Variants in B4GALNT3 observed in about 807,000 individuals in gnomAD.
B4GALNT3 encodes the protein beta-1,4-N-acetylgalactosaminyltransferase 3.
A neutral mutation model predicts 120.2 loss-of-function variants in B4GALNT3; 86 were observed. The observed-to-expected ratio is 0.72, with a 90% CI of 0.60 to 0.86. The LOEUF (loss-of-function observed/expected upper bound fraction) is 0.86. Among genes scored for constraint, B4GALNT3 ranks in the 40% least tolerant of loss-of-function variants. B4GALNT3 has a pLI of 0.00. For synonymous variants in B4GALNT3, 518 were observed against 510.4 expected, an observed-to-expected ratio of 1.01 and a Z score of -0.20; for missense variants, 1,167 against 1,298.9, an observed-to-expected ratio of 0.90 and a Z score of 1.56.
chr12:559,922 G>A (rs1198805704), intron 19 of B4GALNT3, among the ~76,000 whole-genome samples: 2 of 152,158 alleles, frequency 1.3e-5, no homozygotes, highest in Non-Finnish European at 2.9e-5. Flanking sequence ...GCCGGGTCAT[G>A]AGACACCAAG....
chr12:478,349 C>CAATTTTG (rs960016246), intron 1 of B4GALNT3, among the ~76,000 whole-genome samples: 4 of 149,656 alleles, frequency 2.7e-5, no homozygotes, highest in Non-Finnish European at 4.4e-5. Context: ...TGCTTTGATG[C>CAATTTTG]ATGAAAATTG....
intron 13 of B4GALNT3, 29 bp downstream of exon 13, chr12:552,557 T>G (rs1314108572): frequency 1.2e-6 from 2 of 1,608,438 alleles, no homozygotes; most frequent in Non-Finnish European, 1.7e-6. Context: ...GGCTTCCAGG[T>G]CAGGCTGAGA....
intron 1 of B4GALNT3, among the ~76,000 whole-genome samples, chr12:498,767 G>A (rs1352561778): frequency 2.0e-5 from 3 of 152,184 alleles, no homozygotes; most frequent in Non-Finnish European, 4.4e-5. Flanking sequence ...ATGTTCCCGC[G>A]TCTGTCTTTA....
In B4GALNT3 at chr12:557,746, G is replaced by C; in HGVS notation, c.2519G>C (p.Arg840Thr). 6.2e-7 allele frequency: 1 copy of C among 1,603,024 alleles called. No individual in the cohort carries two copies. Among genetic ancestry groups the C allele is most frequent in the Non-Finnish European group, 8.5e-7 (1 of 1,176,780 alleles). Residue 840 changes from arginine (R) to threonine (T), a missense_variant, in exon 16 of 20, where the codon AGG (arginine) becomes ACG (threonine). Coordinates refer to ENST00000266383, the MANE Select transcript of B4GALNT3 (RefSeq NM_173593.4). ...ATGGATGTTGAGATGGCACTGAAGA[G>C]GTCCAAGCTGCGGAGGTGAGGGGGA... Reference protein sequence around the residue: ...EDMDVEMALKRSKLRSYQYVK... With the variant: ...EDMDVEMALKTSKLRSYQYVK...
At chr12:552,358 C>G in intron 12 of B4GALNT3, 109 bp from the exon 13 acceptor site, 29 of 1,148,968 alleles carry the variant, frequency 2.5e-5, no homozygotes, top group Non-Finnish European at 3.5e-5. Flanking sequence ...CCTCCTTCCT[C>G]CACTCTAGTC....
chr12:484,525 C>A (rs917210345), intron 1 of B4GALNT3, among the ~76,000 whole-genome samples: 1 of 152,174 alleles, frequency 6.6e-6, no homozygotes, highest in Admixed American at 6.5e-5. Flanking sequence ...CCAAGTCAAT[C>A]AGTTAGATTT....
At chr12:543,861 A>G (rs1413017053) in intron 3 of B4GALNT3, among the ~76,000 whole-genome samples, 2 of 122,986 alleles carry the variant, frequency 1.6e-5, no homozygotes, top group Admixed American at 1.6e-4. Context: ...GGAGCTGAGG[A>G]GCTGGGGCGG....
rs1189549878 is a variant in B4GALNT3 at position 553,523 on chromosome 12, C to G, written c.1600C>G (p.Pro534Ala). The G allele has an allele frequency of 6.2e-6, 10 of 1,614,018 alleles. No individual in the cohort carries two copies. The highest frequency in any genetic ancestry group is 8.5e-6 in the Non-Finnish European group (10 of 1,179,974). ...TTCACCTCATTCCGACAAGTGGCCT[C>G]CTGGGCACCCTGTGAAGAACCTGCC... The part of the protein sequence containing the change: ...QDSPHSDKWP[P>A]GHPVKNLPQM... Residue 534 changes from proline to alanine, a missense_variant, in exon 14 of 20, where the codon CCT becomes GCT. Physicochemically the swap from Pro to Ala is conservative, Grantham distance 27. Coordinates refer to ENST00000266383, the MANE Select transcript of B4GALNT3 (RefSeq NM_173593.4).
At chr12:535,316 G>A (rs769427209) in intron 2 of B4GALNT3, 47 bp downstream of exon 2, 2 of 1,530,872 alleles carry the variant, frequency 1.3e-6, no homozygotes, top group East Asian at 4.5e-5. Context: ...CTTAACAAAG[G>A]TCCGCAGGTG....
chr12:532,219 CAA>C (rs1946815668), intron 1 of B4GALNT3, among the ~76,000 whole-genome samples: 1 of 152,100 alleles, frequency 6.6e-6, no homozygotes, highest in Non-Finnish European at 1.5e-5. Context: ...TTGACTAGCC[CAA>C]GTTTTAGGTA....
rs1946153318 is a variant in B4GALNT3, at chr12:473,105, A to G, written c.169+12560A>G. Among the ~76,000 whole-genome samples, 4 of 152,042 alleles carry G rather than the reference A, an allele frequency of 2.6e-5. No homozygotes were observed. The South Asian group carries it at 8.3e-4, about 31-fold the overall frequency. On this transcript the variant is annotated intron_variant, in intron 1 of 19. Coordinates refer to ENST00000266383, the MANE Select transcript of B4GALNT3 (RefSeq NM_173593.4). ...TGCCTTGGCCTCCCTAGTAGCTAAGACCACAGGCATACACCACCATGCCTA... is the reference window on the plus strand; with the variant it reads ...TGCCTTGGCCTCCCTAGTAGCTAAGGCCACAGGCATACACCACCATGCCTA...
chr12:508,685 C>T (rs1208266750), intron 1 of B4GALNT3, among the ~76,000 whole-genome samples: 3 of 152,152 alleles, frequency 2.0e-5, no homozygotes, highest in Non-Finnish European at 4.4e-5. Context: ...TTCCCTCTGA[C>T]CTCTGATTTG....
intron 9 of B4GALNT3, 135 bp from the exon 10 acceptor site, chr12:549,634 G>A: frequency 8.8e-7 from 1 of 1,133,862 alleles, no homozygotes; most frequent in Non-Finnish European, 1.3e-6. Flanking sequence ...CAGAGGGAGT[G>A]TGGCTGCGCA....
chr12:486,205 C>CTTTTTT (rs59345776), intron 1 of B4GALNT3, among the ~76,000 whole-genome samples: 4 of 97,990 alleles, frequency 4.1e-5, no homozygotes, highest in Non-Finnish European at 7.8e-5. Context: ...CCAAAATATT[C>CTTTTTT]TTTTTTTTTT....
intron 1 of B4GALNT3, among the ~76,000 whole-genome samples, chr12:465,396 G>GT (rs1467100874): frequency 1.2e-4 from 19 of 152,074 alleles, no homozygotes; most frequent in African/African-American, 4.6e-4. Context: ...CAGATACTGT[G>GT]TTTATCAGGG....
chr12:537,073 A>G (rs1472573797), intron 3 of B4GALNT3, among the ~76,000 whole-genome samples: 1 of 152,254 alleles, frequency 6.6e-6, no homozygotes, highest in East Asian at 1.9e-4. Flanking sequence ...GGTTTAGCTC[A>G]GCATGTCTCA....
At chr12:505,218 A>G (rs532446542) in intron 1 of B4GALNT3, among the ~76,000 whole-genome samples, 1 of 152,312 alleles carries the variant, frequency 6.6e-6, no homozygotes. Flanking sequence ...CAGATGTTCT[A>G]TACTATGTAA....
Position 548,604 on chromosome 12 carries a change from T to A in B4GALNT3, c.853+307T>A, listed in dbSNP as rs1043342105. On this transcript the variant is annotated intron_variant, in intron 9 of 19. Transcript: ENST00000266383. The surrounding 1 kb of genome is among the most constrained non-coding windows in gnomAD (Gnocchi z 4.9). Reference sequence around the variant, plus strand: ...TCAAGGGAGTCCAGAGACTGTGAGCTCACACCAGATCTAAAAACTCTGAGG... The same window carrying A: ...TCAAGGGAGTCCAGAGACTGTGAGCACACACCAGATCTAAAAACTCTGAGG... Among the ~76,000 whole-genome samples, 1 of 152,100 alleles carries A rather than the reference T, an allele frequency of 6.6e-6. No homozygotes were observed. The highest frequency in any genetic ancestry group is 1.5e-5 in the Non-Finnish European group (1 of 68,022).
chr12:552,279 T>C (rs1347694180), intron 12 of B4GALNT3, 116 bp downstream of exon 12: 7 of 928,322 alleles, frequency 7.5e-6, no homozygotes, highest in African/African-American at 5.3e-5. Flanking sequence ...TTGCTCTTGC[T>C]CTTCCTGAGT....
Sources: allele counts gnomAD v4.1 joint callset (sites outside exome capture counted in the v4.1 genomes callset), GRCh38; gene constraint gnomAD v4.1.1; non-coding constraint Gnocchi (gnomAD v3.1); transcripts MANE v1.5; gene names NCBI Gene and HGNC (gene_info 2026-07-23, HGNC 2026-07-21).